Variants in ITGA8 observed in about 807,000 individuals in gnomAD.
ITGA8 encodes integrin subunit alpha 8.
In ITGA8, 91 loss-of-function variants were observed where a neutral mutation model predicts 142.3. The ratio of observed to expected loss-of-function variants is 0.64; its 90% CI spans 0.54 to 0.76. ITGA8 has a LOEUF of 0.76. ITGA8 is among the 30% of genes least tolerant of loss of function. The pLI is 0.00. For missense variants in ITGA8, 1,406 were observed against 1,327.7 expected, an observed-to-expected ratio of 1.06 and a Z score of -0.92; for synonymous variants, 505 against 485.2, an observed-to-expected ratio of 1.04 and a Z score of -0.54.
intron 2 of ITGA8, among the ~76,000 whole-genome samples, chr10:15,717,824 C>T (rs998241056): frequency 3.3e-5 from 5 of 152,156 alleles, no homozygotes; most frequent in African/African-American, 9.7e-5. Context: ...CCAATTTCAT[C>T]GAAATTCTGT....
At chr10:15,633,776 C>G (rs182473913) in intron 13 of ITGA8, among the ~76,000 whole-genome samples, 2 of 152,224 alleles carry the variant, frequency 1.3e-5, no homozygotes, top group African/African-American at 4.8e-5. Context: ...CTGTGGATCC[C>G]TTTTCCCCCC....
intron 4 of ITGA8, among the ~76,000 whole-genome samples, chr10:15,683,002 T>C (rs1447742801): frequency 1.3e-5 from 2 of 152,168 alleles, no homozygotes; most frequent in Admixed American, 1.3e-4. Flanking sequence ...ACATTAATCC[T>C]GAAATTTTAA....
rs1901371 is a variant in ITGA8 at position 15,582,156 on chromosome 10, T to C, written c.2372+4428A>G. ...TGGGAGGCTGTGGTGGGAGGATCAC[T>C]TGAGCTCAGGAGTTGGAGGCTGCAG... is the stretch of plus-strand genomic sequence containing the variant. On this transcript the variant is annotated intron_variant, in intron 23 of 29. Transcript: ENST00000378076. Among the ~76,000 whole-genome samples the C allele has an allele frequency of 0.011, 1,647 of 152,240 alleles. 108 individuals are homozygous for C. In the East Asian group the frequency reaches 0.17, roughly 16 times the overall value.
chr10:15,715,902 G>T (rs915659094), intron 2 of ITGA8, among the ~76,000 whole-genome samples: 8 of 152,236 alleles, frequency 5.3e-5, no homozygotes, highest in Admixed American at 1.3e-4. Flanking sequence ...TATAGAGGGT[G>T]AGCAACCACT....
intron 13 of ITGA8, among the ~76,000 whole-genome samples, chr10:15,618,843 T>C: frequency 6.6e-6 from 1 of 152,218 alleles, no homozygotes; most frequent in Non-Finnish European, 1.5e-5. Flanking sequence ...TGTCATCGTG[T>C]GAGTCAATAC....
At chr10:15,581,073 G>T (rs1222252100) in intron 23 of ITGA8, among the ~76,000 whole-genome samples, 1 of 152,206 alleles carries the variant, frequency 6.6e-6, no homozygotes, top group Non-Finnish European at 1.5e-5. Flanking sequence ...ATCTTTGTTT[G>T]CCTGGGGCCT....
At chr10:15,534,506 T>G (rs1358017760) in intron 27 of ITGA8, among the ~76,000 whole-genome samples, 2 of 152,222 alleles carry the variant, frequency 1.3e-5, no homozygotes, top group Non-Finnish European at 2.9e-5. Flanking sequence ...ACCACATGAA[T>G]GAAGGGTGAA....
chr10:15,701,350 GA>G (rs1835159981), intron 2 of ITGA8, among the ~76,000 whole-genome samples: 1 of 152,164 alleles, frequency 6.6e-6, no homozygotes, highest in Admixed American at 6.5e-5. Flanking sequence ...CTGAAAAGGG[GA>G]AAACCTAAAG....
chr10:15,613,481 T>C, intron 15 of ITGA8, 179 bp downstream of exon 15: 2 of 616,710 alleles, frequency 3.2e-6, no homozygotes. Flanking sequence ...AAAGACTAAC[T>C]CCTTGCTACT....
intron 8 of ITGA8, among the ~76,000 whole-genome samples, chr10:15,669,048 G>C (rs1297302353): frequency 6.6e-6 from 1 of 152,134 alleles, no homozygotes; most frequent in East Asian, 1.9e-4. Context: ...TGTATTTCCT[G>C]AATTTGAATG....
At chr10:15,621,173 T>C (rs2131623690) in intron 13 of ITGA8, among the ~76,000 whole-genome samples, 1 of 152,184 alleles carries the variant, frequency 6.6e-6, no homozygotes, top group South Asian at 2.1e-4. Flanking sequence ...AGCTGGCTTT[T>C]TTTTTTTTTC....
chr10:15,570,272 T>G (rs928871962), intron 25 of ITGA8, among the ~76,000 whole-genome samples: 1 of 152,146 alleles, frequency 6.6e-6, no homozygotes, highest in Admixed American at 6.5e-5. Context: ...TTTTTAAAAG[T>G]ATTAGCCTCA....
At chr10:15,596,183 C>A (rs1247034352) in intron 21 of ITGA8, among the ~76,000 whole-genome samples, 1 of 152,212 alleles carries the variant, frequency 6.6e-6, no homozygotes, top group Non-Finnish European at 1.5e-5. Flanking sequence ...TTCTCTCTTT[C>A]AATGCTTCAT....
chr10:15,550,571 G>T (rs956327436), intron 26 of ITGA8, among the ~76,000 whole-genome samples: 2 of 152,140 alleles, frequency 1.3e-5, no homozygotes, highest in Middle Eastern at 3.2e-3. Flanking sequence ...GGTATGAATG[G>T]GAGGTCACCT....
chr10:15,710,361 G>T (rs1485256279), intron 2 of ITGA8, among the ~76,000 whole-genome samples: 1 of 152,088 alleles, frequency 6.6e-6, no homozygotes, highest in Admixed American at 6.6e-5. Context: ...GCCCTAATTT[G>T]ATTGACTACC....
At chr10:15,672,452 G>C (rs534951580) in intron 7 of ITGA8, among the ~76,000 whole-genome samples, 172 bp downstream of exon 7, 1 of 152,090 alleles carries the variant, frequency 6.6e-6, no homozygotes, top group Non-Finnish European at 1.5e-5. Context: ...TACACATCGC[G>C]GCTGGAAAAA....
chr10:15,612,633 A>T (rs566412616), intron 15 of ITGA8, among the ~76,000 whole-genome samples: 130 of 152,332 alleles, frequency 8.5e-4, no homozygotes, highest in Middle Eastern at 3.4e-3. Flanking sequence ...CAGAAGGAAC[A>T]CTTTCAGGAG....
chr10:15,632,223 T>A (rs752417802), intron 13 of ITGA8, among the ~76,000 whole-genome samples: 1 of 150,608 alleles, frequency 6.6e-6, no homozygotes, highest in Non-Finnish European at 1.5e-5. Context: ...TTGACATAGC[T>A]GTGTCGATAA....
In ITGA8 at chr10:15,659,067, G is replaced by A; in HGVS notation, c.892-12C>T. 2.5e-6 allele frequency: 4 copies of A among 1,594,178 alleles called. No individual in the cohort carries two copies. Among genetic ancestry groups the A allele is most frequent in the Non-Finnish European group, 3.4e-6 (4 of 1,164,978 alleles). On this transcript the variant is annotated splice_polypyrimidine_tract_variant and intron_variant, in intron 9 of 29. Transcript: ENST00000378076. Reference sequence around the variant, plus strand: ...TTAATGATGGAAACCTGAAATCACAGAAATTAAACAGGTTACACCATTTGC... The same window carrying A: ...TTAATGATGGAAACCTGAAATCACAAAAATTAAACAGGTTACACCATTTGC...
Sources: gnomAD v4.1 joint callset for allele counts (sites outside exome capture counted in the v4.1 genomes callset) on GRCh38, gnomAD v4.1.1 for gene constraint, MANE v1.5 for transcripts, NCBI Gene and HGNC (gene_info 2026-07-23, HGNC 2026-07-21) for gene names.